Variants in CDK14 observed in about 807,000 individuals in gnomAD.
The protein encoded by CDK14 is cyclin dependent kinase 14.
A neutral mutation model predicts 60.7 loss-of-function variants in CDK14; 34 were observed. That is an observed-to-expected ratio of 0.56 (90% CI 0.43 to 0.75). The LOEUF is 0.75. CDK14 is among the 30% of genes least tolerant of loss of function. The pLI is 0.00. For missense variants in CDK14, 482 were observed against 564.1 expected (o/e 0.85, Z 1.47); for synonymous variants, 197 against 203.7 (o/e 0.97, Z 0.28).
intron 14 of CDK14, among the ~76,000 whole-genome samples, chr7:91,151,980 A>G (rs1584134894): frequency 6.6e-6 from 1 of 152,256 alleles, no homozygotes; most frequent in East Asian, 1.9e-4. Context: ...CCCATGCATT[A>G]CATAAAACCG....
At chr7:91,143,506 G>A (rs1800526453) in intron 14 of CDK14, among the ~76,000 whole-genome samples, 1 of 152,096 alleles carries the variant, frequency 6.6e-6, no homozygotes. Context: ...AGGATCACTT[G>A]AGCCCAGGAG....
rs569032421 is a variant in CDK14 at position 91,019,826 on chromosome 7, C to T, written c.1042-26071C>T. Among the ~76,000 whole-genome samples, 7 of 152,236 alleles carry T rather than the reference C, an allele frequency of 4.6e-5. No homozygotes were observed. In the East Asian group the frequency reaches 9.6e-4, roughly 21 times the overall value. On this transcript the variant is annotated intron_variant, in intron 10 of 14. Transcript: ENST00000380050. Reference sequence around the variant, plus strand: ...CCAGAATGCCATTGCTGTGAAATACCATGCTAATAAGGCCTCTGGCAGAAC... The same window carrying T: ...CCAGAATGCCATTGCTGTGAAATACTATGCTAATAAGGCCTCTGGCAGAAC...
intron 14 of CDK14, among the ~76,000 whole-genome samples, chr7:91,178,135 A>T (rs1801843549): frequency 6.3e-5 from 1 of 15,884 alleles, no homozygotes; most frequent in Non-Finnish European, 1.2e-4. Flanking sequence ...GGAACAGAAC[A>T]GAGCCCTCAG....
At chr7:90,651,324 C>T (rs925201112) in intron 2 of CDK14, among the ~76,000 whole-genome samples, 8 of 152,116 alleles carry the variant, frequency 5.3e-5, no homozygotes, top group African/African-American at 1.9e-4. Flanking sequence ...GTGGCAATTA[C>T]ACTGTGTGCC....
chr7:90,824,584 G>A (rs1789658313), intron 5 of CDK14: 1 of 152,192 alleles, frequency 6.6e-6, no homozygotes, highest in Non-Finnish European at 1.5e-5. Context: ...AGTGAGAACT[G>A]ATTTTAAGTT....
rs777626428 is a variant in CDK14, at chr7:90,604,256, T to C, written c.123+7T>C. 1.3e-6 allele frequency: 2 copies of C among 1,508,168 alleles called. No individual in the cohort carries two copies. The highest frequency in any genetic ancestry group is 2.5e-5 in the South Asian group (2 of 79,864). The allele number at this position is 1,508,168 out of a possible 1,614,324, so 93.4% of individuals were successfully genotyped here. On this transcript the variant is annotated splice_region_variant and intron_variant, in intron 2 of 14. Transcript: ENST00000380050. ...TGACACCACCTTTGATGAGGTAGGT[T>C]AAATTTCTTTATCTAATGTTAGATG... is the stretch of plus-strand genomic sequence containing the variant.
intron 8 of CDK14, among the ~76,000 whole-genome samples, chr7:90,947,349 C>A: frequency 6.6e-6 from 1 of 152,164 alleles, no homozygotes; most frequent in Non-Finnish European, 1.5e-5. Context: ...TGCCAGGCAA[C>A]CTGTTCCCAA....
intron 8 of CDK14, among the ~76,000 whole-genome samples, chr7:90,923,235 G>A (rs1347319650): frequency 8.0e-5 from 12 of 149,598 alleles, no homozygotes; most frequent in South Asian, 4.3e-4. Context: ...TCAGCCTCCC[G>A]AGTAGCTGGG....
chr7:90,660,160 T>C (rs1270232739), intron 2 of CDK14, among the ~76,000 whole-genome samples: 3 of 152,162 alleles, frequency 2.0e-5, no homozygotes, highest in Non-Finnish European at 4.4e-5. Flanking sequence ...TTATTGAACG[T>C]GTAGAATGTT....
At chr7:90,955,302 A>G (rs574667766) in intron 8 of CDK14, among the ~76,000 whole-genome samples, 1 of 152,286 alleles carries the variant, frequency 6.6e-6, no homozygotes, top group South Asian at 2.1e-4. Flanking sequence ...AAGTTTCACA[A>G]TTTAAGGATT....
At chr7:91,059,686 T>A (rs1250201479) in intron 11 of CDK14, among the ~76,000 whole-genome samples, 1 of 152,214 alleles carries the variant, frequency 6.6e-6, no homozygotes, top group East Asian at 1.9e-4. Context: ...CAGGAGCAGG[T>A]TGTTCAGTTT....
chr7:91,193,627 A>T (rs1802443209), intron 14 of CDK14, among the ~76,000 whole-genome samples: 1 of 152,180 alleles, frequency 6.6e-6, no homozygotes, highest in Admixed American at 6.5e-5. Flanking sequence ...TATCAAGTCA[A>T]TTTGGAGGCA....
rs896261494 is a variant in CDK14 at position 91,064,613 on chromosome 7, C to G, written c.1106-14819C>G. 3.9e-5 allele frequency among the ~76,000 whole-genome samples: 6 copies of G among 152,332 alleles called. No homozygotes were observed. In the East Asian group the frequency reaches 1.2e-3, roughly 29 times the overall value. ...CTGGAGTAGAGTCCTGGTTCAGTCTCTGTCACTATAGCCCGCATCACAGCC... is the reference window on the plus strand; with the variant it reads ...CTGGAGTAGAGTCCTGGTTCAGTCTGTGTCACTATAGCCCGCATCACAGCC... On this transcript the variant is annotated intron_variant, in intron 11 of 14. Coordinates refer to ENST00000380050, the MANE Select transcript of CDK14 (RefSeq NM_001287135.2).
chr7:90,969,889 A>G (rs1794868869), intron 9 of CDK14, among the ~76,000 whole-genome samples: 3 of 151,088 alleles, frequency 2.0e-5, no homozygotes, highest in Admixed American at 6.6e-5. Context: ...CTTGTTATCT[A>G]TGTAACCTGG....
intron 2 of CDK14, among the ~76,000 whole-genome samples, chr7:90,639,825 G>A (rs991956726): frequency 2.6e-5 from 4 of 152,124 alleles, no homozygotes; most frequent in East Asian, 1.9e-4. Context: ...GGGCAATGGC[G>A]GGCGCCCCTC....
chr7:90,621,412 T>G (rs1224773531), intron 2 of CDK14, among the ~76,000 whole-genome samples: 1 of 152,218 alleles, frequency 6.6e-6, no homozygotes, highest in Admixed American at 6.5e-5. Context: ...GATGTTCACA[T>G]CCTTAAAATA....
At chr7:90,777,454 T>C (rs926487628) in intron 4 of CDK14, among the ~76,000 whole-genome samples, 17 of 152,228 alleles carry the variant, frequency 1.1e-4, no homozygotes, top group African/African-American at 3.9e-4. Context: ...CCTGAAGGTT[T>C]AACACAATGA....
At chr7:91,179,827 T>A (rs1027374153) in intron 14 of CDK14, among the ~76,000 whole-genome samples, 1 of 152,138 alleles carries the variant, frequency 6.6e-6, no homozygotes, top group African/African-American at 2.4e-5. Context: ...TTACTTTTAT[T>A]TTTAATAATT....
chr7:90,846,656 G>T (rs1002193897), intron 5 of CDK14, among the ~76,000 whole-genome samples: 1 of 152,166 alleles, frequency 6.6e-6, no homozygotes, highest in African/African-American at 2.4e-5. Context: ...GCCAGAGTAG[G>T]TTAGGACCAG....
Sources: gnomAD v4.1 joint callset for allele counts (sites outside exome capture counted in the v4.1 genomes callset) on GRCh38, gnomAD v4.1.1 for gene constraint, MANE v1.5 for transcripts, NCBI Gene and HGNC (gene_info 2026-07-23, HGNC 2026-07-21) for gene names.